Variants in TBXAS1 observed in about 807,000 individuals in gnomAD.
TBXAS1 encodes thromboxane A synthase 1.
TBXAS1 carries 48 observed loss-of-function variants against 60.7 expected under a neutral mutation model. The observed-to-expected ratio is 0.79, with a 90% CI of 0.63 to 1.01. TBXAS1 has a LOEUF of 1.01. Ranked by LOEUF, TBXAS1 falls within the 50% of genes least tolerant of loss-of-function variation. TBXAS1 has a pLI of 0.00. For missense variants in TBXAS1, 685 were observed against 686.3 expected, an observed-to-expected ratio of 1.00 and a Z score of 0.02; for synonymous variants, 287 against 269.7, an observed-to-expected ratio of 1.06 and a Z score of -0.63.
At chr7:139,955,738 G>A (rs184075495) in intron 7 of TBXAS1, 131 bp downstream of exon 7, 37 of 1,378,514 alleles carry the variant, frequency 2.7e-5, no homozygotes, top group Non-Finnish European at 3.6e-5. Flanking sequence ...CCCCTGCAGA[G>A]GCTTTGTCTT....
intron 8 of TBXAS1, among the ~76,000 whole-genome samples, chr7:139,958,812 G>T (rs529508004): frequency 6.6e-6 from 1 of 152,352 alleles, no homozygotes; most frequent in Admixed American, 6.5e-5. Context: ...AACTCAACTC[G>T]CATGTCCTTG....
intron 9 of TBXAS1, among the ~76,000 whole-genome samples, chr7:139,989,078 G>C (rs751890024): frequency 4.6e-5 from 7 of 152,172 alleles, no homozygotes; most frequent in Non-Finnish European, 8.8e-5. Context: ...AGATCCTCCC[G>C]GTGTTCTTCC....
At chr7:139,968,915 T>C (rs1810992048) in intron 9 of TBXAS1, among the ~76,000 whole-genome samples, 1 of 152,226 alleles carries the variant, frequency 6.6e-6, no homozygotes, top group African/African-American at 2.4e-5. Flanking sequence ...CTTTGTTATA[T>C]GGCTGCTTCA....
intron 1 of TBXAS1, among the ~76,000 whole-genome samples, chr7:139,847,809 A>T (rs1799916296): frequency 6.6e-6 from 1 of 152,096 alleles, no homozygotes; most frequent in Non-Finnish European, 1.5e-5. Flanking sequence ...GGCACTTTGC[A>T]ATATTTGTTG....
At position 139,899,646 on chromosome 7, in the gene TBXAS1, C is replaced by T. The variant is rs143162313; in HGVS notation, c.237-11579C>T. Among the ~76,000 whole-genome samples the T allele has an allele frequency of 1.2e-3, 186 of 152,240 alleles. 1 individual carries two copies. Among genetic ancestry groups the T allele is most frequent in the African/African-American group, 4.2e-3 (174 of 41,546 alleles). On this transcript the variant is annotated intron_variant, in intron 3 of 12. Coordinates refer to ENST00000448866, the MANE Select transcript of TBXAS1 (RefSeq NM_001061.7). ...AATAACTGGTTAAGAATTTCTTGCC[C>T]GGAAAGGAGTCTATATGTAAGTTTG... is the stretch of plus-strand genomic sequence containing the variant.
Position 139,964,850 on chromosome 7 carries a change from T to C in TBXAS1, c.1134+2617T>C, listed in dbSNP as rs558228176. Among the ~76,000 whole-genome samples the C allele has an allele frequency of 4.6e-5, 7 of 152,330 alleles. No individual in the cohort carries two copies. In the East Asian group the frequency reaches 1.2e-3, roughly 25 times the overall value. On this transcript the variant is annotated intron_variant, in intron 9 of 12. Transcript: ENST00000448866. ...TGTCATTTAGAGAGCCATGGGGCGA[T>C]AGGAGTCTGTCCCACCAGCTATAAC...
At position 139,875,698 on chromosome 7, in the gene TBXAS1, G is replaced by T. The variant is rs17161200; in HGVS notation, c.236+61G>T. On this transcript the variant is annotated intron_variant, in intron 3 of 12. Transcript: ENST00000448866. Reference sequence around the variant, plus strand: ...TATTTTCTATTATGTACGATATTTTGATTTTCACGTGTTGAACTGATATAG... The same window carrying T: ...TATTTTCTATTATGTACGATATTTTTATTTTCACGTGTTGAACTGATATAG... The T allele has an allele frequency of 8.5e-3, 13,345 of 1,576,504 alleles. 157 individuals carry two copies. The highest frequency in any genetic ancestry group is 0.042 in the African/African-American group (2,577 of 60,796).
chr7:139,969,508 T>C (rs1370214307), intron 9 of TBXAS1, among the ~76,000 whole-genome samples: 5 of 149,382 alleles, frequency 3.3e-5, no homozygotes, highest in Non-Finnish European at 7.4e-5. Flanking sequence ...ACTAGCTTTT[T>C]CATGAATACA....
intron 8 of TBXAS1, among the ~76,000 whole-genome samples, chr7:139,959,329 G>T (rs572330497): frequency 1.3e-5 from 2 of 152,164 alleles, no homozygotes; most frequent in African/African-American, 2.4e-5. Flanking sequence ...GTGTGTTTGC[G>T]CAGTGAAAAT....
intron 9 of TBXAS1, among the ~76,000 whole-genome samples, chr7:139,995,432 T>C (rs1813219748): frequency 6.6e-6 from 1 of 152,082 alleles, no homozygotes; most frequent in East Asian, 1.9e-4. Context: ...GTCACGTTTA[T>C]TTGGCCTGGC....
chr7:139,996,841 TAGAC>T (rs963297346), intron 9 of TBXAS1, among the ~76,000 whole-genome samples: 1 of 152,262 alleles, frequency 6.6e-6, no homozygotes, highest in African/African-American at 2.4e-5. Flanking sequence ...ACAGCCAAGA[TAGAC>T]AGCCACTGCT....
chr7:139,829,119 G>A (rs917218210), upstream of TBXAS1: 75 of 553,544 alleles, frequency 1.4e-4, 2 homozygotes, highest in Admixed American at 7.1e-5. Context: ...CTCTGAGGAA[G>A]TTAATATAAA....
chr7:139,797,072 G>A (rs1585519529), intron 4 of TBXAS1: 1 of 152,210 alleles, frequency 6.6e-6, no homozygotes, highest in East Asian at 1.9e-4. Flanking sequence ...CACATTTAAT[G>A]TACACGTTTC....
intron 5 of TBXAS1, among the ~76,000 whole-genome samples, chr7:139,938,947 G>A (rs999017954): frequency 6.6e-6 from 1 of 152,206 alleles, no homozygotes; most frequent in Non-Finnish European, 1.5e-5. Context: ...GTGACACATT[G>A]TCGTTTCCCA....
At chr7:139,791,035 C>G (rs960177919) in intron 4 of TBXAS1, among the ~76,000 whole-genome samples, 2 of 152,172 alleles carry the variant, frequency 1.3e-5, no homozygotes, top group African/African-American at 4.8e-5. Flanking sequence ...AACTCTTGAG[C>G]CCAAGCCATC....
intron 4 of TBXAS1, among the ~76,000 whole-genome samples, chr7:139,818,868 T>C (rs1258704076): frequency 6.6e-6 from 1 of 152,138 alleles, no homozygotes; most frequent in Non-Finnish European, 1.5e-5. Context: ...AGACCCCTGG[T>C]AGCAACTCAG....
At chr7:139,853,568 G>A (rs893284698) in intron 1 of TBXAS1, among the ~76,000 whole-genome samples, 6 of 151,970 alleles carry the variant, frequency 3.9e-5, no homozygotes, top group Non-Finnish European at 7.4e-5. Flanking sequence ...GCACTCAGCC[G>A]GGCTCCTGGC....
At chr7:139,992,910 C>T (rs750772854) in intron 9 of TBXAS1, among the ~76,000 whole-genome samples, 2 of 152,194 alleles carry the variant, frequency 1.3e-5, no homozygotes, top group South Asian at 2.1e-4. Context: ...GTGGCTCACG[C>T]CTATAATACC....
chr7:139,941,551 G>A (rs904336200), intron 5 of TBXAS1, among the ~76,000 whole-genome samples: 12 of 151,986 alleles, frequency 7.9e-5, no homozygotes, highest in African/African-American at 2.7e-4. Context: ...CATAGCCAGC[G>A]ACAAACAAGT....
Sources: allele counts gnomAD v4.1 joint callset (sites outside exome capture counted in the v4.1 genomes callset), GRCh38; gene constraint gnomAD v4.1.1; transcripts MANE v1.5; gene names NCBI Gene and HGNC (gene_info 2026-07-23, HGNC 2026-07-21).